Variants in SPTLC3 observed in about 807,000 individuals in gnomAD.
The protein encoded by SPTLC3 is serine palmitoyltransferase 3.
A neutral mutation model predicts 59.3 loss-of-function variants in SPTLC3; 36 were observed. That is an observed-to-expected ratio of 0.61 (90% CI 0.47 to 0.80). The LOEUF (loss-of-function observed/expected upper bound fraction) is 0.80, where lower values mean the gene tolerates loss of function less well. Ranked by LOEUF, SPTLC3 falls within the 30% of genes least tolerant of loss-of-function variation. The pLI, the probability that SPTLC3 is intolerant of heterozygous loss-of-function variation, is 0.00. For synonymous variants in SPTLC3, 257 were observed against 240.8 expected (o/e 1.07, Z -0.62); for missense variants, 625 against 685.1 (o/e 0.91, Z 0.98).
chr20:13,112,241 G>GA (rs1350986825), intron 7 of SPTLC3, among the ~76,000 whole-genome samples: 1 of 152,190 alleles, frequency 6.6e-6, no homozygotes, highest in African/African-American at 2.4e-5. Flanking sequence ...TCTGGGGCTG[G>GA]AACATCCAAA....
intron 9 of SPTLC3, among the ~76,000 whole-genome samples, chr20:13,135,254 C>G (rs537505895): frequency 1.5e-4 from 23 of 152,166 alleles, no homozygotes; most frequent in Non-Finnish European, 2.6e-4. Flanking sequence ...GGCAACACTG[C>G]TAGGTGTTGA....
At chr20:13,017,231 C>T (rs991432237) in intron 1 of SPTLC3, among the ~76,000 whole-genome samples, 1 of 152,302 alleles carries the variant, frequency 6.6e-6, no homozygotes, top group Non-Finnish European at 1.5e-5. Context: ...TGACACCAAA[C>T]TGTCATATAT....
intron 4 of SPTLC3, among the ~76,000 whole-genome samples, chr20:13,078,959 AAAGTT>A (rs1285641108): frequency 2.6e-5 from 4 of 152,212 alleles, no homozygotes; most frequent in African/African-American, 7.2e-5. Context: ...TTCATACAGT[AAAGTT>A]AATAATCAAC....
chr20:13,166,042 T>C lies in SPTLC3; in HGVS notation c.*1175T>C, dbSNP rs145113740. ...TCTTGTTAATCTGATCTAGTTTGTATGGAAAAAGCCCATGGAGAACCTTAT... is the reference window on the plus strand; with the variant it reads ...TCTTGTTAATCTGATCTAGTTTGTACGGAAAAAGCCCATGGAGAACCTTAT... On this transcript the variant is annotated 3_prime_UTR_variant, in exon 12 of 12. Transcript: ENST00000399002. The C allele has an allele frequency of 2.4e-3, 362 of 152,738 alleles. No homozygotes were observed. The highest frequency in any genetic ancestry group is 3.9e-3 in the Non-Finnish European group (266 of 68,020). The allele number at this position is 152,738 out of a possible 1,614,324, so 9.5% of individuals were successfully genotyped here. A position where few individuals can be genotyped will look rare whatever the true frequency, so the allele number is the denominator to read the frequency against.
chr20:13,139,881 A>ATGG (rs751201125), intron 9 of SPTLC3, among the ~76,000 whole-genome samples: 44 of 152,372 alleles, frequency 2.9e-4, no homozygotes, highest in Non-Finnish European at 3.2e-4. Flanking sequence ...AGGACTGAAT[A>ATGG]TGGATCTCTC....
At chr20:13,010,499 A>C (rs372052291) in intron 1 of SPTLC3, among the ~76,000 whole-genome samples, 2 of 152,174 alleles carry the variant, frequency 1.3e-5, no homozygotes, top group Admixed American at 6.5e-5. Context: ...GTGGTCCCCA[A>C]AAGCATTCCC....
intron 1 of SPTLC3, among the ~76,000 whole-genome samples, chr20:13,036,884 C>T (rs909881160): frequency 1.3e-5 from 2 of 152,090 alleles, no homozygotes; most frequent in Non-Finnish European, 2.9e-5. Flanking sequence ...CTTTCCACTG[C>T]AAGTAATGGA....
At chr20:13,034,169 C>T (rs961168618) in intron 1 of SPTLC3, among the ~76,000 whole-genome samples, 5 of 150,678 alleles carry the variant, frequency 3.3e-5, no homozygotes, top group Non-Finnish European at 7.4e-5. Flanking sequence ...TTTCTCATGA[C>T]ATAGGTAGAT....
chr20:13,134,663 G>C lies in SPTLC3; in HGVS notation c.1279+7946G>C, dbSNP rs2038201711. On this transcript the variant is annotated intron_variant, in intron 9 of 11. Coordinates refer to ENST00000399002, the MANE Select transcript of SPTLC3 (RefSeq NM_018327.4). ...GTGCAGGCTCAAATTTGATAACCAT[G>C]TTTCTACGTAACAGAAAAGAAACAG... Among the ~76,000 whole-genome samples the C allele has an allele frequency of 2.0e-5, 3 of 152,200 alleles. No homozygotes were observed. The South Asian group carries it at 6.2e-4, about 32-fold the overall frequency.
intron 6 of SPTLC3, among the ~76,000 whole-genome samples, chr20:13,093,996 C>T (rs1376009139): frequency 1.3e-5 from 2 of 152,136 alleles, no homozygotes; most frequent in Non-Finnish European, 2.9e-5. Flanking sequence ...TCACTTTGCC[C>T]ACCCACAGAT....
rs374709535 is a variant in SPTLC3 at position 13,159,886 on chromosome 20, TAAAAAAG to T, written c.1416-96_1416-90del. 1.4e-3 allele frequency: 1,876 copies of T among 1,363,422 alleles called. 3 individuals are homozygous for T. The highest frequency in any genetic ancestry group is 9.3e-3 in the African/African-American group (639 of 68,462). 84.5% of individuals were successfully genotyped at this position (1,363,422 alleles called of 1,614,324 possible). A position where few individuals can be genotyped will look rare whatever the true frequency, so the allele number is the denominator to read the frequency against. On this transcript the variant is annotated intron_variant, in intron 10 of 11. Coordinates refer to ENST00000399002, the MANE Select transcript of SPTLC3 (RefSeq NM_018327.4). ...TTCAATCATCTTCCACTTATTATCATAAAAAAGAAAAAAGAAAAAAGAAAAAATCAAT... is the reference window on the plus strand; with the variant it reads ...TTCAATCATCTTCCACTTATTATCATAAAAAAGAAAAAAGAAAAAATCAAT...
chr20:13,124,393 T>G (rs2037938895), intron 8 of SPTLC3, among the ~76,000 whole-genome samples: 1 of 150,988 alleles, frequency 6.6e-6, no homozygotes, highest in African/African-American at 2.4e-5. Flanking sequence ...AAGGAAATAC[T>G]TTGAAATACA....
rs75941406 is a variant in SPTLC3, at chr20:13,088,768, G to A, written c.608-2315G>A. On this transcript the variant is annotated intron_variant, in intron 4 of 11. Coordinates refer to ENST00000399002, the MANE Select transcript of SPTLC3 (RefSeq NM_018327.4). The stretch of plus-strand genomic sequence containing the variant: ...CAAGTAGATGGGATTATAGGCACCC[G>A]CCACTGCACCCGGCTATTTTTTTTT... Among the ~76,000 whole-genome samples, 748 of 145,750 alleles carry A rather than the reference G, an allele frequency of 5.1e-3. 7 individuals are homozygous for A. Among genetic ancestry groups the A allele is most frequent in the African/African-American group, 0.018 (727 of 39,338 alleles).
chr20:13,145,628 A>G (rs1022121198), intron 9 of SPTLC3, among the ~76,000 whole-genome samples: 2 of 151,542 alleles, frequency 1.3e-5, no homozygotes, highest in Non-Finnish European at 2.9e-5. Context: ...ACAAAACTAG[A>G]AAAAAAAAGA....
chr20:13,165,333 T>C lies in SPTLC3; in HGVS notation c.*466T>C. ...CACTCATAAAAGCATCAGCTAGATCTCATCTGTATCATGGGAAGTTCCAGG... is the reference window on the plus strand; with the variant it reads ...CACTCATAAAAGCATCAGCTAGATCCCATCTGTATCATGGGAAGTTCCAGG... On this transcript the variant is annotated 3_prime_UTR_variant, in exon 12 of 12. Transcript: ENST00000399002. The C allele has an allele frequency of 6.5e-6, 1 of 154,800 alleles. No individual in the cohort carries two copies. The highest frequency in any genetic ancestry group is 1.4e-5 in the Non-Finnish European group (1 of 69,540). 9.6% of individuals were successfully genotyped at this position (154,800 alleles called of 1,614,324 possible).
intron 4 of SPTLC3, among the ~76,000 whole-genome samples, chr20:13,086,944 C>A (rs951342204): frequency 6.6e-6 from 1 of 152,104 alleles, no homozygotes; most frequent in Non-Finnish European, 1.5e-5. Flanking sequence ...TGCATACCAC[C>A]ATGCCCAGCT....
At chr20:13,117,855 T>C in intron 8 of SPTLC3, 130 bp downstream of exon 8, 1 of 820,066 alleles carries the variant, frequency 1.2e-6, no homozygotes, top group South Asian at 1.9e-5. Context: ...CCAGCCTGGC[T>C]ACAGTGGGTT....
intron 4 of SPTLC3, among the ~76,000 whole-genome samples, chr20:13,074,860 C>T (rs113996257): frequency 2.5e-4 from 38 of 152,276 alleles, no homozygotes; most frequent in African/African-American, 8.9e-4. Context: ...CCTGTCTCTG[C>T]TCCTAAAACA....
chr20:13,036,566 A>T (rs1055029052), intron 1 of SPTLC3, among the ~76,000 whole-genome samples: 20 of 152,178 alleles, frequency 1.3e-4, no homozygotes, highest in Non-Finnish European at 1.9e-4. Flanking sequence ...TTCATCAGTA[A>T]GGCTTCCCAT....
Sources: gnomAD v4.1 joint callset for allele counts (sites outside exome capture counted in the v4.1 genomes callset) on GRCh38, gnomAD v4.1.1 for gene constraint, MANE v1.5 for transcripts, NCBI Gene and HGNC (gene_info 2026-07-23, HGNC 2026-07-21) for gene names.